The following MED13L variants were observed in gnomAD, a reference collection of about 807,000 sequenced individuals.
MED13L encodes the protein mediator complex subunit 13L.
MED13L carries 7 observed loss-of-function variants against 220.9 expected under a neutral mutation model. That is an observed-to-expected ratio of 0.03 (90% CI 0.02 to 0.06). The LOEUF (loss-of-function observed/expected upper bound fraction) is 0.06. Among genes scored for constraint, MED13L ranks in the 10% least tolerant of loss-of-function variants. MED13L has a pLI of 1.00. For synonymous variants in MED13L, 1,011 were observed against 1,015.2 expected, an observed-to-expected ratio of 1.00 and a Z score of 0.08; for missense variants, 1,965 against 2,760.5, an observed-to-expected ratio of 0.71 and a Z score of 6.46.
At chr12:116,195,432 A>C (rs1037470026) in intron 2 of MED13L, among the ~76,000 whole-genome samples, 3 of 152,176 alleles carry the variant, frequency 2.0e-5, no homozygotes, top group African/African-American at 7.2e-5. Flanking sequence ...ATAGAAACAG[A>C]AAAGCCTGAA....
chr12:116,145,967 C>T (rs1877470416), intron 2 of MED13L, among the ~76,000 whole-genome samples: 1 of 152,104 alleles, frequency 6.6e-6, no homozygotes, highest in Non-Finnish European at 1.5e-5. Flanking sequence ...TTTGTGACCC[C>T]AAAAAGTTTT....
In MED13L at chr12:116,277,310, G is replaced by A. The variant is rs1288090845; in HGVS notation, c.-179C>T. 2 of 1,140 alleles carry A rather than the reference G, an allele frequency of 1.8e-3. No homozygotes were observed. Among genetic ancestry groups the A allele is most frequent in the Non-Finnish European group, 2.1e-3 (2 of 940 alleles). The allele number at this position is 1,140 out of a possible 1,614,324, so 0.1% of individuals were successfully genotyped here. ...GAGGCGCCGCGGCGACGCCGCGCCGGGGGCAGCGGGCCCGGGCTGGCGGGG... is the reference window on the plus strand; with the variant it reads ...GAGGCGCCGCGGCGACGCCGCGCCGAGGGCAGCGGGCCCGGGCTGGCGGGG... On this transcript the variant is annotated 5_prime_UTR_variant, in exon 1 of 31. Transcript: ENST00000281928.
chr12:116,258,328 T>G (rs974934965), intron 1 of MED13L, among the ~76,000 whole-genome samples: 6 of 152,204 alleles, frequency 3.9e-5, no homozygotes, highest in African/African-American at 1.4e-4. Flanking sequence ...AAGGATCTTG[T>G]GAGCATGAGA....
intron 7 of MED13L, 54 bp downstream of exon 7, chr12:116,019,170 C>A: frequency 6.4e-7 from 1 of 1,557,872 alleles, no homozygotes; most frequent in Non-Finnish European, 8.8e-7. Flanking sequence ...GGCAGGTAGA[C>A]TATACAATTG....
rs1450858729 is a variant in MED13L, at chr12:116,277,629, C to T, written c.-498G>A. Among the ~76,000 whole-genome samples, 2 of 149,748 alleles carry T rather than the reference C, an allele frequency of 1.3e-5. No homozygotes were observed. The highest frequency in any genetic ancestry group is 1.5e-5 in the Non-Finnish European group (1 of 67,046). On this transcript the variant is annotated 5_prime_UTR_variant, in exon 1 of 31. Transcript: ENST00000281928. ...CCCTCCTTCCTCTTCCTCCCCCACCCCCCCCTCCTCCCCAGTCAGCCTCGC... is the reference window on the plus strand; with the variant it reads ...CCCTCCTTCCTCTTCCTCCCCCACCTCCCCCTCCTCCCCAGTCAGCCTCGC...
At chr12:116,087,725 T>A (rs529967084) in intron 4 of MED13L, among the ~76,000 whole-genome samples, 1 of 152,268 alleles carries the variant, frequency 6.6e-6, no homozygotes, top group East Asian at 1.9e-4. Flanking sequence ...TCATTTCTCA[T>A]CATCCTACCT....
At chr12:116,002,099 T>C (rs1878781520) in intron 14 of MED13L, among the ~76,000 whole-genome samples, 1 of 152,212 alleles carries the variant, frequency 6.6e-6, no homozygotes, top group Admixed American at 6.5e-5. Flanking sequence ...TGCAGAGTAA[T>C]AAAACAAGAA....
intron 8 of MED13L, 129 bp from the exon 9 acceptor site, chr12:116,013,030 A>G (rs1470633991): frequency 1.4e-6 from 1 of 713,082 alleles, no homozygotes; most frequent in Non-Finnish European, 2.5e-6. Context: ...GTTCAGAGCA[A>G]CCAATGAATA....
At chr12:116,248,083 T>C (rs914221383) in intron 1 of MED13L, among the ~76,000 whole-genome samples, 26 of 152,318 alleles carry the variant, frequency 1.7e-4, no homozygotes, top group African/African-American at 6.0e-4. Context: ...AAACATGTCA[T>C]ATGGCTAGAG....
chr12:116,166,569 G>A (rs1879296064), intron 2 of MED13L, among the ~76,000 whole-genome samples: 1 of 152,122 alleles, frequency 6.6e-6, no homozygotes, highest in Non-Finnish European at 1.5e-5. Context: ...GGGCAACAGA[G>A]CAAGACTCTG....
At chr12:116,210,582 TA>T (rs1882637903) in intron 2 of MED13L, among the ~76,000 whole-genome samples, 3 of 141,470 alleles carry the variant, frequency 2.1e-5, no homozygotes, top group Non-Finnish European at 4.6e-5. Flanking sequence ...TATATATATA[TA>T]TTTCTATAGT....
chr12:116,249,081 G>A (rs189857684), intron 1 of MED13L, among the ~76,000 whole-genome samples: 7 of 152,298 alleles, frequency 4.6e-5, no homozygotes, highest in Admixed American at 2.6e-4. Flanking sequence ...TAAGTACTAG[G>A]CTGCACATTC....
intron 11 of MED13L, chr12:116,007,168 A>C: frequency 3.6e-6 from 2 of 553,828 alleles, no homozygotes; most frequent in Non-Finnish European, 6.5e-6. Flanking sequence ...GCACTGTACA[A>C]GCTATAGCCT....
chr12:116,185,809 T>C (rs1445655280), intron 2 of MED13L, among the ~76,000 whole-genome samples: 1 of 152,140 alleles, frequency 6.6e-6, no homozygotes, highest in African/African-American at 2.4e-5. Context: ...TTCTCCTGCC[T>C]CAGCCTCCTG....
At chr12:116,160,268 A>C (rs1446576969) in intron 2 of MED13L, among the ~76,000 whole-genome samples, 2 of 152,210 alleles carry the variant, frequency 1.3e-5, no homozygotes, top group African/African-American at 4.8e-5. Flanking sequence ...ATAGTAACTA[A>C]TTCTTGAGCA....
In MED13L at chr12:116,022,521, T is replaced by C. The variant is rs1180926146; in HGVS notation, c.560A>G (p.Gln187Arg). Residue 187 changes from glutamine to arginine, a missense_variant, in exon 5 of 31, where the codon CAG becomes CGG. This residue lies in a region of MED13L where 818 missense variants were observed against 1,041.2 expected (regional missense o/e 0.79). Coordinates refer to ENST00000281928, the MANE Select transcript of MED13L (RefSeq NM_015335.5). ...CTCCTCATTGATCAAATAAATTGGC[T>C]GGTGCTGGGCAATCTCCACACTTGT... The part of the protein sequence containing the change: ...VCTSVEIAQH[Q>R]PIYLINEEHI... The C allele has an allele frequency of 4.3e-6, 7 of 1,613,590 alleles. No homozygotes were observed. The highest frequency in any genetic ancestry group is 5.1e-6 in the Non-Finnish European group (6 of 1,179,868).
intron 7 of MED13L, among the ~76,000 whole-genome samples, chr12:116,015,906 G>C (rs962311671): frequency 6.6e-6 from 1 of 152,166 alleles, no homozygotes; most frequent in African/African-American, 2.4e-5. Context: ...TTTTATTTCA[G>C]AGGATTAAAA....
chr12:116,117,984 T>G (rs937848923), intron 2 of MED13L, among the ~76,000 whole-genome samples: 1 of 152,110 alleles, frequency 6.6e-6, no homozygotes, highest in African/African-American at 2.4e-5. Context: ...ACTTTTTAAT[T>G]TTTTTGTAGA....
At position 115,970,766 on chromosome 12, in the gene MED13L, A is replaced by T; in HGVS notation, c.5895T>A (p.Ala1965=). The T allele has an allele frequency of 1.2e-6, 2 of 1,613,866 alleles. No individual in the cohort carries two copies. Among genetic ancestry groups the T allele is most frequent in the Non-Finnish European group, 1.7e-6 (2 of 1,179,890 alleles). ...GGCCAAAAACAGAGCCCATTGTGAC[A>T]GCATCTTTAAAGAAAAAAATAGAAT... ...PQGSFVVMPD[A]VTMGSVFGRS... is the part of the protein sequence containing the mutation. Residue 1965 remains alanine, a synonymous_variant, in exon 27 of 31, where the codon GCT becomes GCA. Coordinates refer to ENST00000281928, the MANE Select transcript of MED13L (RefSeq NM_015335.5).
Sources: allele counts gnomAD v4.1 joint callset (sites outside exome capture counted in the v4.1 genomes callset), GRCh38; gene constraint gnomAD v4.1.1; regional missense constraint gnomAD v4.1.1; transcripts MANE v1.5; gene names NCBI Gene and HGNC (gene_info 2026-07-23, HGNC 2026-07-21).